CSMD1: variants seen among roughly 807,000 people sequenced by gnomAD.
The protein encoded by CSMD1 is CUB and sushi domain-containing protein 1.
Under a neutral mutation model 417.5 loss-of-function variants are expected in CSMD1, and 213 were observed. The observed-to-expected ratio is 0.51, with a 90% CI of 0.46 to 0.57. The LOEUF (loss-of-function observed/expected upper bound fraction) is 0.57. CSMD1 is among the 20% of genes least tolerant of loss of function. The pLI is 0.00. For synonymous variants in CSMD1, 2,862 were observed against 1,736.8 expected, an observed-to-expected ratio of 1.65 and a Z score of -16.11; for missense variants, 6,923 against 4,529.7, an observed-to-expected ratio of 1.53 and a Z score of -15.17.
At chr8:4,800,922 C>T (rs571820038) in intron 1 of CSMD1, among the ~76,000 whole-genome samples, 2 of 152,176 alleles carry the variant, frequency 1.3e-5, no homozygotes, top group South Asian at 2.1e-4. Flanking sequence ...TCTGTAATAT[C>T]GGAAATAAAT....
chr8:3,811,239 A>C (rs1801057103), intron 5 of CSMD1, among the ~76,000 whole-genome samples: 1 of 152,210 alleles, frequency 6.6e-6, no homozygotes, highest in Non-Finnish European at 1.5e-5. Flanking sequence ...GAAACACCCA[A>C]GTTAATTATG....
At chr8:3,972,737 C>T (rs1043765608) in intron 5 of CSMD1, among the ~76,000 whole-genome samples, 52 of 152,306 alleles carry the variant, frequency 3.4e-4, no homozygotes, top group Middle Eastern at 3.4e-3. Flanking sequence ...AAACACACAG[C>T]ACCAGCTAAA....
In CSMD1 at chr8:4,395,334, C is replaced by T. The variant is rs527388996; in HGVS notation, c.415+24619G>A. Among the ~76,000 whole-genome samples, 51 of 152,318 alleles carry T rather than the reference C, an allele frequency of 3.3e-4. 1 individual carries two copies. Among genetic ancestry groups the T allele is most frequent in the South Asian group, 1.0e-3 (5 of 4,828 alleles). ...TCAGCCCCTTCGCTATTCTTAGTAT[C>T]TGAGAGCATTGTTTGCATTAAGACT... On this transcript the variant is annotated intron_variant, in intron 3 of 69. Coordinates refer to ENST00000635120, the MANE Select transcript of CSMD1 (RefSeq NM_033225.6).
At chr8:3,394,054 A>ATATATATATG (rs1563342476) in intron 17 of CSMD1, among the ~76,000 whole-genome samples, 7 of 127,618 alleles carry the variant, frequency 5.5e-5, no homozygotes, top group Non-Finnish European at 1.0e-4. Context: ...ATATATATAT[A>ATATATATATG]TAGAAAAAAA....
At chr8:3,447,969 AAAAG>A (rs1815406533) in intron 12 of CSMD1, among the ~76,000 whole-genome samples, 1 of 152,130 alleles carries the variant, frequency 6.6e-6, no homozygotes, top group Admixed American at 6.5e-5. Context: ...GAGCCTCAAG[AAAAG>A]AAAGCAGAGC....
At chr8:3,258,019 G>A (rs187635420) in intron 26 of CSMD1, among the ~76,000 whole-genome samples, 1 of 152,282 alleles carries the variant, frequency 6.6e-6, no homozygotes, top group Admixed American at 6.5e-5. Context: ...GATTGGAGGA[G>A]ACTCAGCCAT....
chr8:3,215,711 C>T (rs1797843621), intron 29 of CSMD1, among the ~76,000 whole-genome samples: 1 of 152,068 alleles, frequency 6.6e-6, no homozygotes, highest in South Asian at 2.1e-4. Context: ...TTTCAATAGA[C>T]CATCTAAAAT....
At chr8:4,232,700 A>G (rs1700045) in intron 3 of CSMD1, among the ~76,000 whole-genome samples, 7,873 of 152,238 alleles carry the variant, frequency 0.052, 249 homozygotes, top group Middle Eastern at 0.13. Context: ...ACATTTTATA[A>G]AAGTGTCATG....
At chr8:4,709,443 G>T (rs569434657) in intron 1 of CSMD1, among the ~76,000 whole-genome samples, 1 of 152,266 alleles carries the variant, frequency 6.6e-6, no homozygotes, top group African/African-American at 2.4e-5. Context: ...CCTCAACACA[G>T]GAAATAGAGG....
chr8:3,303,152 T>C (rs576070612), intron 25 of CSMD1, among the ~76,000 whole-genome samples: 2 of 152,352 alleles, frequency 1.3e-5, no homozygotes, highest in East Asian at 1.9e-4. Context: ...TTGGACATGC[T>C]TTTATTCCTG....
intron 3 of CSMD1, among the ~76,000 whole-genome samples, chr8:4,189,745 T>C (rs1798902497): frequency 6.6e-6 from 1 of 152,208 alleles, no homozygotes; most frequent in African/African-American, 2.4e-5. Flanking sequence ...ACATTAGAAA[T>C]CTTGATAAAT....
chr8:3,892,102 G>T (rs772841083), intron 5 of CSMD1, among the ~76,000 whole-genome samples: 8 of 151,662 alleles, frequency 5.3e-5, no homozygotes, highest in Non-Finnish European at 7.4e-5. Flanking sequence ...TTCCTATTCA[G>T]GCAGGACAGA....
At chr8:3,686,007 T>G (rs1799926453) in intron 7 of CSMD1, among the ~76,000 whole-genome samples, 1 of 152,122 alleles carries the variant, frequency 6.6e-6, no homozygotes, top group Non-Finnish European at 1.5e-5. Flanking sequence ...ATTCTTTCTT[T>G]CTTTCTGTAT....
intron 3 of CSMD1, among the ~76,000 whole-genome samples, chr8:4,411,499 T>C (rs527369962): frequency 1.3e-5 from 2 of 152,344 alleles, no homozygotes; most frequent in Non-Finnish European, 2.9e-5. Context: ...CACTTAACAA[T>C]ATTCATTCCC....
chr8:4,635,141 T>G (rs2724970), intron 2 of CSMD1, among the ~76,000 whole-genome samples: 3 of 151,806 alleles, frequency 2.0e-5, no homozygotes, highest in Non-Finnish European at 2.9e-5. Context: ...CATATGAACC[T>G]AAGTAGGCTC....
At chr8:4,136,603 AAG>A (rs1286629454) in intron 3 of CSMD1, among the ~76,000 whole-genome samples, 2 of 152,230 alleles carry the variant, frequency 1.3e-5, no homozygotes, top group Non-Finnish European at 2.9e-5. Flanking sequence ...TCCAGCCAGC[AAG>A]AGAGGTTGAA....
At chr8:4,297,974 A>G (rs1025928423) in intron 3 of CSMD1, among the ~76,000 whole-genome samples, 1 of 152,170 alleles carries the variant, frequency 6.6e-6, no homozygotes, top group Non-Finnish European at 1.5e-5. Context: ...AAGAGTGAAT[A>G]TGGTGAAGAG....
chr8:4,875,931 G>A (rs988405808), intron 1 of CSMD1, among the ~76,000 whole-genome samples: 1 of 151,890 alleles, frequency 6.6e-6, no homozygotes, highest in African/African-American at 2.4e-5. Flanking sequence ...ACAATTTAAA[G>A]AATTTTCTTC....
At chr8:4,741,262 T>C (rs1810589508) in intron 1 of CSMD1, among the ~76,000 whole-genome samples, 1 of 152,198 alleles carries the variant, frequency 6.6e-6, no homozygotes, top group Non-Finnish European at 1.5e-5. Context: ...AAGAAGAGCA[T>C]CTTTGTGAAA....
Sources: allele counts gnomAD v4.1 joint callset (sites outside exome capture counted in the v4.1 genomes callset), GRCh38; gene constraint gnomAD v4.1.1; transcripts MANE v1.5; gene names NCBI Gene and HGNC (gene_info 2026-07-23, HGNC 2026-07-21).